The following STAG1 variants were observed in gnomAD, a reference collection of about 807,000 sequenced individuals.
STAG1 encodes the protein cohesin subunit SA-1.
STAG1 carries 26 observed loss-of-function variants against 170.9 expected under a neutral mutation model. The ratio of observed to expected loss-of-function variants is 0.15; its 90% CI spans 0.11 to 0.21. STAG1 has a LOEUF of 0.21. Ranked by LOEUF, STAG1 falls within the 10% of genes least tolerant of loss-of-function variation. STAG1 has a pLI of 1.00. For synonymous variants in STAG1, 514 were observed against 497.7 expected, an observed-to-expected ratio of 1.03 and a Z score of -0.44; for missense variants, 964 against 1,509.5, an observed-to-expected ratio of 0.64 and a Z score of 5.99.
intron 3 of STAG1, among the ~76,000 whole-genome samples, chr3:136,619,756 CA>C (rs62857261): frequency 0.011 from 765 of 67,728 alleles, 1 homozygote; most frequent in Non-Finnish European, 0.012. Flanking sequence ...GACTCTGTCT[CA>C]AAAAAAAAAA....
chr3:136,388,354 C>A (rs577043337), intron 22 of STAG1, among the ~76,000 whole-genome samples: 2 of 152,066 alleles, frequency 1.3e-5, no homozygotes, highest in African/African-American at 4.8e-5. Context: ...AACAGAAGAA[C>A]TGGGAGCTGC....
rs536392595 is a variant in STAG1 at position 136,486,999 on chromosome 3, CAAAAAAAAAAAAAAAAAA to C, written c.903-9605_903-9588del. On this transcript the variant is annotated intron_variant, in intron 9 of 33. Coordinates refer to ENST00000383202, the MANE Select transcript of STAG1 (RefSeq NM_005862.3). ...CAATGCCGATTTTTTTTTATTTCTT[CAAAAAAAAAAAAAAAAAA>C]AAAAAAAAAAAAAGCAGATACAAGC... is the stretch of plus-strand genomic sequence containing the variant. Among the ~76,000 whole-genome samples the C allele has an allele frequency of 3.0e-3, 166 of 54,676 alleles. 2 individuals are homozygous for C. Among genetic ancestry groups the C allele is most frequent in the African/African-American group, 0.014 (151 of 10,902 alleles). 35.9% of individuals were successfully genotyped at this position (54,676 alleles called of 152,430 possible).
chr3:136,549,820 C>A (rs1462715410), intron 5 of STAG1, among the ~76,000 whole-genome samples: 2 of 151,968 alleles, frequency 1.3e-5, no homozygotes, highest in Admixed American at 1.3e-4. Context: ...GTATATATGG[C>A]CATTATTGTG....
At chr3:136,595,602 G>A (rs565533953) in intron 4 of STAG1, among the ~76,000 whole-genome samples, 11 of 151,754 alleles carry the variant, frequency 7.2e-5, no homozygotes, top group African/African-American at 2.2e-4. Flanking sequence ...GCATGAATCC[G>A]GGAGGTGGAG....
intron 6 of STAG1, among the ~76,000 whole-genome samples, chr3:136,539,443 C>A (rs1935789958): frequency 6.6e-6 from 1 of 152,072 alleles, no homozygotes; most frequent in Non-Finnish European, 1.5e-5. Context: ...CAATGTAATG[C>A]AAAAGAACAA....
intron 1 of STAG1, among the ~76,000 whole-genome samples, chr3:136,651,828 C>A (rs960220622): frequency 6.6e-5 from 10 of 152,178 alleles, no homozygotes; most frequent in Non-Finnish European, 1.5e-4. Context: ...GAGATACTTC[C>A]ATGACATCCT....
At chr3:136,550,335 T>C (rs534786942) in intron 5 of STAG1, among the ~76,000 whole-genome samples, 11 of 150,188 alleles carry the variant, frequency 7.3e-5, no homozygotes, top group Non-Finnish European at 1.6e-4. Context: ...TGAGACAGAG[T>C]CTCACTCTGT....
At chr3:136,639,611 A>G (rs1160809249) in intron 1 of STAG1, among the ~76,000 whole-genome samples, 1 of 152,182 alleles carries the variant, frequency 6.6e-6, no homozygotes, top group Non-Finnish European at 1.5e-5. Context: ...TCTACTATTA[A>G]AGAGATCCTA....
intron 13 of STAG1, among the ~76,000 whole-genome samples, chr3:136,452,599 T>C (rs185147043): frequency 2.0e-5 from 3 of 151,448 alleles, no homozygotes; most frequent in Non-Finnish European, 2.9e-5. Flanking sequence ...TCTATTTCAA[T>C]AGAAATATGT....
At chr3:136,687,166 G>T (rs1169294473) in intron 1 of STAG1, among the ~76,000 whole-genome samples, 1 of 152,162 alleles carries the variant, frequency 6.6e-6, no homozygotes, top group African/African-American at 2.4e-5. Flanking sequence ...GAGACATTAT[G>T]TTGTCCATGC....
At chr3:136,623,044 T>C (rs1576679981) in intron 3 of STAG1, 102 bp downstream of exon 3, 1 of 969,180 alleles carries the variant, frequency 1.0e-6, no homozygotes, top group South Asian at 1.8e-5. Context: ...TCACTGAATT[T>C]TTTTTAAGTA....
chr3:136,535,638 A>C (rs561776321), intron 6 of STAG1, among the ~76,000 whole-genome samples: 2 of 152,152 alleles, frequency 1.3e-5, no homozygotes, highest in Non-Finnish European at 2.9e-5. Flanking sequence ...ACTCCAGCCT[A>C]GGCAACAAAG....
chr3:136,376,088 T>C (rs1203977064), intron 23 of STAG1, among the ~76,000 whole-genome samples: 1 of 105,702 alleles, frequency 9.5e-6, no homozygotes, highest in East Asian at 7.1e-4. Flanking sequence ...TATTTCTCCA[T>C]AAGTAGTGTT....
intron 5 of STAG1, 79 bp downstream of exon 5, chr3:136,568,686 G>T: frequency 4.4e-6 from 4 of 910,504 alleles, no homozygotes; most frequent in South Asian, 1.4e-5. Flanking sequence ...AATTATATAC[G>T]ACTAGTGGCA....
chr3:136,341,678 G>C, intron 30 of STAG1, 127 bp from the exon 31 acceptor site: 1 of 618,282 alleles, frequency 1.6e-6, no homozygotes. Context: ...GATTTATTCT[G>C]GTGCCTTTTT....
At chr3:136,485,396 G>A (rs900542435) in intron 9 of STAG1, among the ~76,000 whole-genome samples, 55 of 152,262 alleles carry the variant, frequency 3.6e-4, no homozygotes, top group African/African-American at 1.3e-3. Context: ...GGCGGAGGTT[G>A]CAGTAAGCCG....
intron 1 of STAG1, among the ~76,000 whole-genome samples, chr3:136,706,554 A>T (rs1458774328): frequency 1.3e-5 from 2 of 152,236 alleles, no homozygotes; most frequent in Non-Finnish European, 2.9e-5. Context: ...AACACTGTTA[A>T]AAGAAATTAA....
chr3:136,478,286 T>G lies in STAG1; in HGVS notation c.903-874A>C, dbSNP rs985967944. On this transcript the variant is annotated intron_variant, in intron 9 of 33. Transcript: ENST00000383202. ...GGCAGAACAACCCGAAAAGTCAGAA[T>G]TCTGGCTCATTGCCTAGATGGCTTT... Among the ~76,000 whole-genome samples the G allele has an allele frequency of 3.9e-5, 6 of 152,306 alleles. No individual in the cohort carries two copies. In the East Asian group the frequency reaches 9.6e-4, roughly 24 times the overall value.
At chr3:136,641,245 C>T (rs1940787508) in intron 1 of STAG1, among the ~76,000 whole-genome samples, 1 of 152,114 alleles carries the variant, frequency 6.6e-6, no homozygotes, top group Admixed American at 6.6e-5. Flanking sequence ...AATATTTTTT[C>T]AGATGGGAAT....
Sources: gnomAD v4.1 joint callset for allele counts (sites outside exome capture counted in the v4.1 genomes callset) on GRCh38, gnomAD v4.1.1 for gene constraint, MANE v1.5 for transcripts, NCBI Gene and HGNC (gene_info 2026-07-23, HGNC 2026-07-21) for gene names.